Variants in TUT1 observed in about 807,000 individuals in gnomAD.
The protein encoded by TUT1 is terminal uridylyl transferase 1, U6 snRNA-specific.
In TUT1, 26 loss-of-function variants were observed where a neutral mutation model predicts 48.8. The observed-to-expected ratio is 0.53, with a 90% confidence interval of 0.39 to 0.74. The LOEUF is 0.74. Ranked by LOEUF, TUT1 falls within the 30% of genes least tolerant of loss-of-function variation. The pLI is 0.00. For synonymous variants in TUT1, 470 were observed against 460.8 expected, an observed-to-expected ratio of 1.02 and a Z score of -0.26; for missense variants, 1,065 against 1,114.8, an observed-to-expected ratio of 0.96 and a Z score of 0.64.
At chr11:62,587,285 G>A (rs1229430655) in intron 2 of TUT1, among the ~76,000 whole-genome samples, 6 of 152,108 alleles carry the variant, frequency 3.9e-5, no homozygotes, top group South Asian at 2.1e-4. Flanking sequence ...GGGTTCAAGC[G>A]ATTCTCCTGC....
At position 62,575,418 on chromosome 11, in the gene TUT1, G is replaced by C. The variant is rs1266324427; in HGVS notation, c.2301C>G (p.Arg767=). Residue 767 remains arginine (R), a synonymous_variant, in exon 9 of 9, where the codon CGC becomes CGG. Coordinates refer to ENST00000476907, the MANE Select transcript of TUT1 (RefSeq NM_022830.3). ...GASLPSSASW[R]CALWHRVWQG... is the part of the protein sequence containing the mutation. ...GCCACACTCGGTGCCACAAGGCACAGCGCCAGCTCGCTGAGGAGGGCAGGG... is the reference window on the plus strand; with the variant it reads ...GCCACACTCGGTGCCACAAGGCACACCGCCAGCTCGCTGAGGAGGGCAGGG... The C allele has an allele frequency of 6.2e-7, 1 of 1,611,612 alleles. No homozygotes were observed. The highest frequency in any genetic ancestry group is 1.7e-5 in the Admixed American group (1 of 60,014).
chr11:62,575,427 C>T lies in TUT1; in HGVS notation c.2292G>A (p.Ala764=). 1 of 1,611,500 alleles carries T rather than the reference C, an allele frequency of 6.2e-7. No individual in the cohort carries two copies. The highest frequency in any genetic ancestry group is 1.7e-5 in the Admixed American group (1 of 60,016). Residue 764 remains alanine, a synonymous_variant, in exon 9 of 9, where the codon GCG becomes GCA. Transcript: ENST00000476907. ...AGKGASLPSS[A]SWRCALWHRV... ...GGTGCCACAAGGCACAGCGCCAGCT[C>T]GCTGAGGAGGGCAGGGATGCCCCCT... is the stretch of plus-strand genomic sequence containing the variant.
rs77209403 is a variant in TUT1, at chr11:62,589,002, T to C, written c.273+29A>G. On this transcript the variant is annotated intron_variant, in intron 2 of 8. Transcript: ENST00000476907. Reference sequence around the variant, plus strand: ...AGCCATCGCGCCCAGCACTGATTCATTCTTTAACCCGAGAGCCATTCACTT... The same window carrying C: ...AGCCATCGCGCCCAGCACTGATTCACTCTTTAACCCGAGAGCCATTCACTT... The C allele has an allele frequency of 2.1e-3, 3,385 of 1,603,116 alleles. 5 individuals are homozygous for C. Among genetic ancestry groups the C allele is most frequent in the Non-Finnish European group, 2.4e-3 (2,868 of 1,171,574 alleles).
Position 62,575,756 on chromosome 11 carries a change from CCT to C in TUT1, c.1961_1962del (p.Gln654ArgfsTer17), listed in dbSNP as rs1941712424. On this transcript the variant is annotated frameshift_variant, in exon 9 of 9. Coordinates refer to ENST00000476907, the MANE Select transcript of TUT1 (RefSeq NM_022830.3). LOFTEE classifies it low-confidence loss of function (END_TRUNC). ...ACTTTGAGTCTTTTGCTTGTCCCTC[CCT>C]GAGAGGACTCCCCAGTTCCACCTCC... Reference protein sequence around the residue: ...SEGGGTGESSQGGTSKRLKVD... With the variant: ...SEGGGTGESSXGGTSKRLKVD... The C allele has an allele frequency of 1.9e-6, 3 of 1,614,052 alleles. No homozygotes were observed. The highest frequency in any genetic ancestry group is 2.7e-5 in the African/African-American group (2 of 74,908).
At chr11:62,590,372 C>A (rs906121815) in intron 1 of TUT1, among the ~76,000 whole-genome samples, 4 of 152,096 alleles carry the variant, frequency 2.6e-5, no homozygotes, top group African/African-American at 9.7e-5. Context: ...CGCGGTGGCT[C>A]AGGCCTGTAA....
Position 62,575,767 on chromosome 11 carries a change from T to C in TUT1, c.1952A>G (p.Glu651Gly). Residue 651 changes from glutamate (E) to glycine (G), a missense_variant, in exon 9 of 9, where the codon GAG (glutamate) becomes GGG (glycine). Physicochemically the swap from Glu to Gly is moderately conservative, Grantham distance 98 (BLOSUM62 -2). Coordinates refer to ENST00000476907, the MANE Select transcript of TUT1 (RefSeq NM_022830.3). ...TTTGCTTGTCCCTCCCTGAGAGGAC[T>C]CCCCAGTTCCACCTCCTTCTGACCG... ...RTRSEGGGTG[E>G]SSQGGTSKRL... 1 of 1,614,176 alleles carries C rather than the reference T, an allele frequency of 6.2e-7. No homozygotes were observed. The highest frequency in any genetic ancestry group is 1.3e-5 in the African/African-American group (1 of 75,032).
At chr11:62,583,641 G>T (rs1298236315) in intron 2 of TUT1, among the ~76,000 whole-genome samples, 1 of 152,110 alleles carries the variant, frequency 6.6e-6, no homozygotes, top group Non-Finnish European at 1.5e-5. Flanking sequence ...AAACAGGACT[G>T]CTTTAGGCAA....
intron 4 of TUT1, among the ~76,000 whole-genome samples, chr11:62,579,747 C>T (rs555157882): frequency 6.0e-5 from 9 of 151,222 alleles, no homozygotes; most frequent in Non-Finnish European, 1.0e-4. Flanking sequence ...TCACTGCAAC[C>T]TCCGCCTCCT....
chr11:62,580,320 C>G (rs1018975312), intron 4 of TUT1, among the ~76,000 whole-genome samples: 5 of 151,770 alleles, frequency 3.3e-5, no homozygotes, highest in Non-Finnish European at 5.9e-5. Flanking sequence ...ATTAGCCAGG[C>G]ATGGTGGCGT....
rs1484019998 is a variant in TUT1 at position 62,591,474 on chromosome 11, C to T, written c.12G>A (p.Val4=). Residue 4 remains valine (V), a synonymous_variant, in exon 1 of 9, where the codon GTG becomes GTA. Coordinates refer to ENST00000476907, the MANE Select transcript of TUT1 (RefSeq NM_022830.3). ...GCGGCAGCGATTCGACATCCGAATC[C>T]ACCGCCGCCATAGCGACTCTCCTGT... MAA[V]DSDVESLPRG... The T allele has an allele frequency of 6.2e-7, 1 of 1,611,162 alleles. No individual in the cohort carries two copies. Among genetic ancestry groups the T allele is most frequent in the Admixed American group, 1.7e-5 (1 of 59,676 alleles).
chr11:62,591,454 AG>A lies in TUT1; in HGVS notation c.31del (p.Leu11CysfsTer34). 6 of 1,611,392 alleles carry A rather than the reference AG, an allele frequency of 3.7e-6. No homozygotes were observed. The highest frequency in any genetic ancestry group is 5.1e-6 in the Non-Finnish European group (6 of 1,178,804). MAAVDSDVES[L>X]PRGGFRCCLC... Reference sequence around the variant, plus strand: ...GCAGCAGCGGAACCCCCCACGCGGCAGCGATTCGACATCCGAATCCACCGCC... The same window carrying A: ...GCAGCAGCGGAACCCCCCACGCGGCACGATTCGACATCCGAATCCACCGCC... On this transcript the variant is annotated frameshift_variant, in exon 1 of 9. Coordinates refer to ENST00000476907, the MANE Select transcript of TUT1 (RefSeq NM_022830.3). LOFTEE classifies it high-confidence loss of function.
rs138638609 is a variant in TUT1 at position 62,575,211 on chromosome 11, G to A, written c.2508C>T (p.Val836=). Residue 836 remains valine, a synonymous_variant, in exon 9 of 9, where the codon GTC becomes GTT. Transcript: ENST00000476907. ...CAGTGAGCATTCGGTCAGCCGGGGA[G>A]ACAGACGCCACAAAGCTCAGCAGGG... The part of the protein sequence containing the change: ...TEPLLSFVAS[V]SPADRMLTVT... 1,046 of 1,613,328 alleles carry A rather than the reference G, an allele frequency of 6.5e-4. 1 individual carries two copies. The highest frequency in any genetic ancestry group is 7.8e-4 in the Non-Finnish European group (924 of 1,179,288).
At chr11:62,585,793 C>T (rs1941903236) in intron 2 of TUT1, among the ~76,000 whole-genome samples, 1 of 152,108 alleles carries the variant, frequency 6.6e-6, no homozygotes, top group Non-Finnish European at 1.5e-5. Flanking sequence ...AATGAGACTC[C>T]ACCTCAAAAA....
At chr11:62,581,348 C>G (rs1429984008) in intron 3 of TUT1, 38 bp downstream of exon 3, 1 of 1,573,712 alleles carries the variant, frequency 6.4e-7, no homozygotes. Flanking sequence ...AGAGCAAAGG[C>G]CAGGGAGGGC....
intron 1 of TUT1, 30 bp downstream of exon 1, chr11:62,591,374 C>T (rs370937702): frequency 5.6e-5 from 85 of 1,528,020 alleles, no homozygotes; most frequent in Non-Finnish European, 6.9e-5. Context: ...CCCGCAACCA[C>T]CCCCGGGTCC....
Position 62,591,441 on chromosome 11 carries a change from C to A in TUT1, c.45G>T (p.Gly15=). 1 of 1,605,164 alleles carries A rather than the reference C, an allele frequency of 6.2e-7. No homozygotes were observed. Among genetic ancestry groups the A allele is most frequent in the South Asian group, 1.1e-5 (1 of 89,136 alleles). ...DSDVESLPRG[G]FRCCLCHVTT... ...TAACGTGGCAGAGGCAGCAGCGGAA[C>A]CCCCCACGCGGCAGCGATTCGACAT... The change falls in exon 1 of 9, where the codon GGG becomes GGT. Residue 15 remains glycine, a synonymous_variant. Coordinates refer to ENST00000476907, the MANE Select transcript of TUT1 (RefSeq NM_022830.3).
chr11:62,575,491 T>C lies in TUT1; in HGVS notation c.2228A>G (p.His743Arg), dbSNP rs770280915. 1.9e-6 allele frequency: 3 copies of C among 1,612,706 alleles called. No individual in the cohort carries two copies. The highest frequency in any genetic ancestry group is 2.5e-6 in the Non-Finnish European group (3 of 1,180,008). Reference sequence around the variant, plus strand: ...CTGAGACCATTCTTGGGCTGCCTCATGTCCCTTGGGCCCCCGCTCTGCCAG... The same window carrying C: ...CTGAGACCATTCTTGGGCTGCCTCACGTCCCTTGGGCCCCCGCTCTGCCAG... ...AALAERGPKGHEAAQEWSQGE... is the reference protein window; with the variant it reads ...AALAERGPKGREAAQEWSQGE... Residue 743 changes from histidine to arginine, a missense_variant, in exon 9 of 9, where the codon CAT (histidine) becomes CGT (arginine). By Grantham distance (29) the His-to-Arg change is conservative. Transcript: ENST00000476907.
In TUT1 at chr11:62,575,911, AGGGAGCTGG is replaced by A. The variant is rs748721404; in HGVS notation, c.1799_1807del (p.Pro600_Ser602del). 4 of 1,614,158 alleles carry A rather than the reference AGGGAGCTGG, an allele frequency of 2.5e-6. No homozygotes were observed. The highest frequency in any genetic ancestry group is 1.7e-5 in the Admixed American group (1 of 60,028). On this transcript the variant is annotated inframe_deletion, in exon 9 of 9. Transcript: ENST00000476907. ...TAAAGGGATCGGCGTAGCAGAGAGCAGGGAGCTGGGGGAGCTGGGCTGCAGAAGAGGGAG... is the reference window on the plus strand; with the variant it reads ...TAAAGGGATCGGCGTAGCAGAGAGCAGGGAGCTGGGCTGCAGAAGAGGGAG...
Position 62,576,155 on chromosome 11 carries a change from C to G in TUT1, c.1564G>C (p.Val522Leu). 1 of 1,613,946 alleles carries G rather than the reference C, an allele frequency of 6.2e-7. No individual in the cohort carries two copies. The highest frequency in any genetic ancestry group is 1.3e-5 in the African/African-American group (1 of 75,060). Residue 522 changes from valine to leucine, a missense_variant, in exon 9 of 9, where the codon GTG (valine) becomes CTG (leucine). Transcript: ENST00000476907. ...LSLREGQALP[V>L]AGGLPSNLWE... Reference sequence around the variant, plus strand: ...AGATTAGAAGGCAGGCCCCCTGCCACAGGCAGTGCCTGACCCTCCCGCAGG... The same window carrying G: ...AGATTAGAAGGCAGGCCCCCTGCCAGAGGCAGTGCCTGACCCTCCCGCAGG...
Sources: gnomAD v4.1 joint callset for allele counts (sites outside exome capture counted in the v4.1 genomes callset) on GRCh38, gnomAD v4.1.1 for gene constraint, MANE v1.5 for transcripts, NCBI Gene and HGNC (gene_info 2026-07-23, HGNC 2026-07-21) for gene names.